The following COL25A1 variants were observed in gnomAD, a reference collection of about 807,000 sequenced individuals.
The protein encoded by COL25A1 is collagen alpha-1(XXV) chain.
Under a neutral mutation model 128.4 loss-of-function variants are expected in COL25A1, and 103 were observed. The observed-to-expected ratio is 0.80, with a 90% CI of 0.68 to 0.94. The LOEUF (loss-of-function observed/expected upper bound fraction) is 0.94, where lower values mean the gene tolerates loss of function less well. COL25A1 is among the 40% of genes least tolerant of loss of function. The pLI is 0.00. For synonymous variants in COL25A1, 279 were observed against 277.2 expected, an observed-to-expected ratio of 1.01 and a Z score of -0.06; for missense variants, 745 against 840.0, an observed-to-expected ratio of 0.89 and a Z score of 1.40.
At chr4:109,007,430 C>T (rs946457362) in intron 6 of COL25A1, among the ~76,000 whole-genome samples, 2 of 152,134 alleles carry the variant, frequency 1.3e-5, no homozygotes, top group Non-Finnish European at 2.9e-5. Flanking sequence ...ATGATGTAGG[C>T]ATAAGAGGTA....
At chr4:109,125,501 C>G (rs754869783) in intron 3 of COL25A1, among the ~76,000 whole-genome samples, 1 of 152,114 alleles carries the variant, frequency 6.6e-6, no homozygotes. Flanking sequence ...CTAAAACAGG[C>G]AACTTTAATA....
intron 5 of COL25A1, among the ~76,000 whole-genome samples, chr4:109,046,743 T>A (rs1361774822): frequency 1.3e-5 from 2 of 152,148 alleles, no homozygotes; most frequent in Non-Finnish European, 2.9e-5. Context: ...TTCCTCTGAA[T>A]AAAGTAAATA....
chr4:108,824,791 G>A (rs1246003791), intron 34 of COL25A1, among the ~76,000 whole-genome samples: 1 of 151,996 alleles, frequency 6.6e-6, no homozygotes, highest in African/African-American at 2.4e-5. Context: ...GATATATAGG[G>A]ACTAAATGTT....
At chr4:108,834,496 A>C in intron 31 of COL25A1, 1 of 967,624 alleles carries the variant, frequency 1.0e-6, no homozygotes, top group South Asian at 1.4e-5. Flanking sequence ...AAACAACATA[A>C]TACGCAGTTA....
intron 3 of COL25A1, among the ~76,000 whole-genome samples, chr4:109,150,372 C>T (rs1236962820): frequency 6.6e-6 from 1 of 152,022 alleles, no homozygotes; most frequent in African/African-American, 2.4e-5. Flanking sequence ...CCTAAGGGTA[C>T]TTCTGAGATG....
chr4:108,889,848 G>A (rs990162183), intron 16 of COL25A1, 115 bp from the exon 17 acceptor site: 5 of 768,728 alleles, frequency 6.5e-6, no homozygotes, highest in East Asian at 2.6e-5. Context: ...TGACTAATGT[G>A]CCTAACTACG....
At chr4:108,937,102 T>G (rs1391718717) in intron 11 of COL25A1, among the ~76,000 whole-genome samples, 4 of 152,020 alleles carry the variant, frequency 2.6e-5, no homozygotes, top group Admixed American at 2.6e-4. Context: ...GGCATTTGGG[T>G]TATTAGAGAA....
At chr4:108,948,503 C>T (rs143569198) in intron 8 of COL25A1, among the ~76,000 whole-genome samples, 6 of 152,060 alleles carry the variant, frequency 3.9e-5, no homozygotes, top group Admixed American at 1.3e-4. Flanking sequence ...CATTCTACTA[C>T]GTTTTCTCAT....
At chr4:108,920,860 G>T (rs1190391482) in intron 11 of COL25A1, 6 of 333,284 alleles carry the variant, frequency 1.8e-5, no homozygotes, top group Non-Finnish European at 3.3e-5. Flanking sequence ...AATCTTTGCT[G>T]TTCCAGCACA....
chr4:108,969,689 G>T lies in COL25A1; in HGVS notation c.492+4678C>A, dbSNP rs1283642858. Among the ~76,000 whole-genome samples the T allele has an allele frequency of 2.0e-5, 3 of 152,192 alleles. No homozygotes were observed. The East Asian group carries it at 5.8e-4, about 29-fold the overall frequency. On this transcript the variant is annotated intron_variant, in intron 8 of 37. Coordinates refer to ENST00000399132, the MANE Select transcript of COL25A1 (RefSeq NM_198721.4). ...TGACACTGACCTTTCTACTCAGTAT[G>T]TGTCCTTGCCTCCAATGATACCTGA...
chr4:109,018,171 G>A (rs538396415), intron 5 of COL25A1, among the ~76,000 whole-genome samples: 1 of 152,186 alleles, frequency 6.6e-6, no homozygotes, highest in East Asian at 1.9e-4. Context: ...AGGAGGTCTT[G>A]AGGGCCAATA....
At chr4:109,197,491 TATAA>T (rs1776211112) in intron 3 of COL25A1, among the ~76,000 whole-genome samples, 21 of 127,716 alleles carry the variant, frequency 1.6e-4, no homozygotes, top group Non-Finnish European at 3.3e-4. Context: ...ATATATTATA[TATAA>T]ATATATATTA....
chr4:108,855,294 G>T (rs936696683), intron 24 of COL25A1, among the ~76,000 whole-genome samples: 2 of 150,244 alleles, frequency 1.3e-5, no homozygotes, highest in Admixed American at 1.3e-4. Context: ...TACACCACCA[G>T]ATCTGTGTAA....
intron 3 of COL25A1, among the ~76,000 whole-genome samples, chr4:109,220,361 G>GTTT (rs1295700607): frequency 6.6e-6 from 1 of 152,128 alleles, no homozygotes; most frequent in East Asian, 1.9e-4. Flanking sequence ...TATCTCAACT[G>GTTT]ATAAGATATT....
At chr4:108,857,329 T>C (rs1257713131) in intron 24 of COL25A1, among the ~76,000 whole-genome samples, 2 of 152,098 alleles carry the variant, frequency 1.3e-5, no homozygotes, top group African/African-American at 4.8e-5. Flanking sequence ...TTTCCTTACA[T>C]AGTTATCAAC....
At chr4:108,918,850 CGT>C (rs1037043620) in intron 12 of COL25A1, among the ~76,000 whole-genome samples, 121 of 152,192 alleles carry the variant, frequency 8.0e-4, no homozygotes, top group Non-Finnish European at 1.1e-3. Flanking sequence ...CACGTGTGGG[CGT>C]GTGTGTGCAC....
At chr4:109,234,456 T>C (rs1779344223) in intron 3 of COL25A1, among the ~76,000 whole-genome samples, 2 of 152,150 alleles carry the variant, frequency 1.3e-5, no homozygotes, top group Admixed American at 6.6e-5. Context: ...AGTAGGTCTA[T>C]GTCAATTTGG....
chr4:109,055,012 G>C lies in COL25A1; in HGVS notation c.368-4833C>G, dbSNP rs575635582. 4.5e-4 allele frequency among the ~76,000 whole-genome samples: 68 copies of C among 152,284 alleles called. 2 individuals are homozygous for C. The highest frequency in any genetic ancestry group is 6.2e-4 in the South Asian group (3 of 4,824). ...CTCCCCCATCCTCCAGCTACATTCAGAGACTAAACCAGGTTTACCTTCAGG... is the reference window on the plus strand; with the variant it reads ...CTCCCCCATCCTCCAGCTACATTCACAGACTAAACCAGGTTTACCTTCAGG... On this transcript the variant is annotated intron_variant, in intron 3 of 37. Transcript: ENST00000399132.
chr4:109,282,739 A>G (rs1723495843), intron 3 of COL25A1, among the ~76,000 whole-genome samples: 2 of 152,212 alleles, frequency 1.3e-5, no homozygotes, highest in Admixed American at 1.3e-4. Flanking sequence ...ATGGGTTCAT[A>G]AAATTAGAAC....
Sources: allele counts gnomAD v4.1 joint callset (sites outside exome capture counted in the v4.1 genomes callset), GRCh38; gene constraint gnomAD v4.1.1; transcripts MANE v1.5; gene names NCBI Gene and HGNC (gene_info 2026-07-23, HGNC 2026-07-21).